FRMPD3: variants seen among roughly 807,000 people sequenced by gnomAD.
FRMPD3 encodes the protein FERM and PDZ domain-containing protein 3.
Under a neutral mutation model 97.9 loss-of-function variants are expected in FRMPD3, and 42 were observed. The ratio of observed to expected loss-of-function variants is 0.43; its 90% CI spans 0.34 to 0.55. The LOEUF is 0.55. Among genes scored for constraint, FRMPD3 ranks in the 20% least tolerant of loss-of-function variants. The pLI is 0.03. For synonymous variants in FRMPD3, 577 were observed against 581.1 expected, an observed-to-expected ratio of 0.99 and a Z score of 0.10; for missense variants, 1,303 against 1,457.7, an observed-to-expected ratio of 0.89 and a Z score of 1.73.
At position 107,597,592 on chromosome X, in the gene FRMPD3, A is replaced by T. The variant is rs751124424; in HGVS notation, c.1713A>T (p.Gln571His). The change falls in exon 14 of 15, where the codon CAA (glutamine) becomes CAT (histidine). Residue 571 changes from glutamine to histidine, a missense_variant. Gln to His is a conservative substitution (Grantham distance 24, BLOSUM62 0). This residue lies in a region of FRMPD3 where 535 missense variants were observed against 618.6 expected (regional missense o/e 0.86). Transcript: ENST00000683843. ...ACCCCACATCCAAAAGCTCTGGCCA[A>T]GGTTATGAGGTAGTCCCTGATGACT... ...KSDPTSKSSG[Q>H]GYEVVPDDFD... is the part of the protein sequence containing the mutation. 17 of 1,208,973 alleles carry T rather than the reference A, an allele frequency of 1.4e-5. No individual in the cohort carries two copies. Among genetic ancestry groups the T allele is most frequent in the Non-Finnish European group, 1.8e-5 (16 of 895,159 alleles).
intron 6 of FRMPD3, among the ~76,000 whole-genome samples, chrX:107,551,446 G>A (rs566857973): frequency 8.9e-6 from 1 of 111,999 alleles, no homozygotes; most frequent in African/African-American, 3.2e-5. Flanking sequence ...TGTCCATTGT[G>A]GACTCTGTCT....
intron 5 of FRMPD3, among the ~76,000 whole-genome samples, chrX:107,546,639 G>A (rs772455563): frequency 1.8e-5 from 2 of 112,355 alleles, no homozygotes; most frequent in African/African-American, 3.2e-5. Context: ...CAGAAAAGAA[G>A]TGTGTTAAGC....
chrX:107,497,278 A>G lies in FRMPD3; in HGVS notation c.-7-29304A>G, dbSNP rs138991621. Among the ~76,000 whole-genome samples, 94 of 113,418 alleles carry G rather than the reference A, an allele frequency of 8.3e-4. 1 individual carries two copies. Among genetic ancestry groups the G allele is most frequent in the African/African-American group, 2.5e-3 (79 of 31,319 alleles). On this transcript the variant is annotated intron_variant, in intron 1 of 14. Coordinates refer to ENST00000683843, the MANE Select transcript of FRMPD3 (RefSeq NM_001388459.1). ...AAAAATTCTAGTGGCACTTGGCAGT[A>G]TGCCACAAAGAGGCTGCTTCTTCCT...
At chrX:107,461,923 G>A (rs745697931) in intron 1 of FRMPD3, among the ~76,000 whole-genome samples, 33 of 106,892 alleles carry the variant, frequency 3.1e-4, no homozygotes, top group Non-Finnish European at 5.5e-4. Context: ...ACCCCACTTG[G>A]TGCTTACTCT....
At position 107,449,953 on chromosome X, in the gene FRMPD3, G is replaced by C. The variant is rs1931247500; in HGVS notation, c.-60G>C. On this transcript the variant is annotated 5_prime_UTR_variant, in exon 1 of 15. Transcript: ENST00000683843. ...GCCGCTGCCGCGCCGCTGAGGAGGC[G>C]GAGGAGGAGGAGGAGGAGGAGGAAG... is the stretch of plus-strand genomic sequence containing the variant. Among the ~76,000 whole-genome samples, 1 of 109,297 alleles carries C rather than the reference G, an allele frequency of 9.1e-6. No homozygotes were observed. Among genetic ancestry groups the C allele is most frequent in the South Asian group, 3.7e-4 (1 of 2,687 alleles). The allele number at this position is 109,297 out of a possible 115,157, so 94.9% of individuals were successfully genotyped here. A position where few individuals can be genotyped will look rare whatever the true frequency, so the allele number is the denominator to read the frequency against.
rs780560083 is a variant in FRMPD3, at chrX:107,550,142, C to G, written c.496C>G (p.Arg166Gly). ...GATCAAGTCATTCACATTTGATGGT[C>G]GGACCACTGTTAAGGTACATACAGT... is the stretch of plus-strand genomic sequence containing the variant. ...GQIKSFTFDG[R>G]TTVKDVMLTL... Residue 166 changes from arginine to glycine, a missense_variant, in exon 6 of 15, where the codon CGG becomes GGG. By Grantham distance (125) the Arg-to-Gly change is moderately radical. This residue lies in a region of FRMPD3 where 535 missense variants were observed against 618.6 expected (regional missense o/e 0.86). Transcript: ENST00000683843. The G allele has an allele frequency of 8.4e-7, 1 of 1,184,708 alleles. No individual in the cohort carries two copies. The highest frequency in any genetic ancestry group is 1.1e-6 in the Non-Finnish European group (1 of 874,455).
chrX:107,590,024 G>A (rs185311092), intron 13 of FRMPD3, among the ~76,000 whole-genome samples: 44 of 111,638 alleles, frequency 3.9e-4, no homozygotes, highest in South Asian at 7.4e-4. Context: ...GGGTGGTGGC[G>A]TGCGCCTGTA....
intron 1 of FRMPD3, among the ~76,000 whole-genome samples, chrX:107,454,699 C>A (rs1931346866): frequency 8.9e-6 from 1 of 111,981 alleles, no homozygotes; most frequent in African/African-American, 3.2e-5. Flanking sequence ...GAGGGTGATA[C>A]CTGATTGCCT....
At chrX:107,541,141 G>C (rs1253029188) in intron 4 of FRMPD3, among the ~76,000 whole-genome samples, 1 of 113,308 alleles carries the variant, frequency 8.8e-6, no homozygotes, top group Middle Eastern at 4.2e-3. Context: ...GCTGGCCCCT[G>C]AAGTGTATTA....
chrX:107,552,669 G>T (rs1921913926), intron 6 of FRMPD3, 126 bp from the exon 7 acceptor site: 2 of 745,972 alleles, frequency 2.7e-6, no homozygotes, highest in Admixed American at 7.3e-5. Context: ...AAAGGCCAGT[G>T]TTGCAGCCTT....
At chrX:107,509,657 G>A (rs1293654108) in intron 1 of FRMPD3, among the ~76,000 whole-genome samples, 1 of 110,951 alleles carries the variant, frequency 9.0e-6, no homozygotes, top group Admixed American at 9.6e-5. Context: ...TTCCTTTCCT[G>A]GAATGTCCTT....
intron 13 of FRMPD3, among the ~76,000 whole-genome samples, chrX:107,585,303 A>G (rs1040778479): frequency 2.7e-5 from 3 of 111,333 alleles, no homozygotes; most frequent in Non-Finnish European, 3.8e-5. Context: ...GTATCCTGAG[A>G]CTTTGCTGAA....
At position 107,544,122 on chromosome X, in the gene FRMPD3, A is replaced by T. The variant is rs564175721; in HGVS notation, c.298-1615A>T. On this transcript the variant is annotated intron_variant, in intron 4 of 14. Coordinates refer to ENST00000683843, the MANE Select transcript of FRMPD3 (RefSeq NM_001388459.1). Reference sequence around the variant, plus strand: ...TTATCCTAAGTGAAATAATAATAATAATTATTATAAGCCAGACACAGAAAG... The same window carrying T: ...TTATCCTAAGTGAAATAATAATAATTATTATTATAAGCCAGACACAGAAAG... 8.6e-4 allele frequency among the ~76,000 whole-genome samples: 96 copies of T among 111,308 alleles called. No individual in the cohort carries two copies. In the Middle Eastern group the frequency reaches 0.019, roughly 21 times the overall value.
intron 2 of FRMPD3, among the ~76,000 whole-genome samples, chrX:107,528,419 C>T (rs753514037): frequency 2.0e-4 from 22 of 110,652 alleles, no homozygotes; most frequent in Non-Finnish European, 3.2e-4. Flanking sequence ...TTCTGTTAGA[C>T]GGAAGAAAGG....
chrX:107,493,940 A>C (rs1921720329), intron 1 of FRMPD3, among the ~76,000 whole-genome samples: 1 of 111,623 alleles, frequency 9.0e-6, no homozygotes, highest in Non-Finnish European at 1.9e-5. Context: ...GCACAAGCTC[A>C]AGAAAGCTCT....
chrX:107,526,345 T>A (rs1485532098), intron 1 of FRMPD3, among the ~76,000 whole-genome samples: 1 of 111,738 alleles, frequency 8.9e-6, no homozygotes, highest in Admixed American at 9.5e-5. Context: ...GCTCATGACG[T>A]CAGTTTCTTC....
rs372050912 is a variant in FRMPD3, at chrX:107,597,455, G to A, written c.1576G>A (p.Val526Ile). ...GCCCCCACCTGCCGACTCTGAGCTT[G>A]TCAGCTTCTGCTACCTCCATATGCG... ...CTPPPADSEL[V>I]SFCYLHMREQ... Residue 526 changes from valine to isoleucine, a missense_variant, in exon 14 of 15, where the codon GTC becomes ATC. Val to Ile is a conservative substitution (Grantham distance 29). Around this residue, in one of 3 missense-constraint regions of FRMPD3, gnomAD observed 535 missense variants for 618.6 expected, o/e 0.86. Coordinates refer to ENST00000683843, the MANE Select transcript of FRMPD3 (RefSeq NM_001388459.1). The A allele has an allele frequency of 1.7e-6, 2 of 1,211,086 alleles. No homozygotes were observed. Among genetic ancestry groups the A allele is most frequent in the African/African-American group, 1.7e-5 (1 of 57,855 alleles).
intron 4 of FRMPD3, among the ~76,000 whole-genome samples, chrX:107,542,417 A>C (rs975425316): frequency 3.6e-5 from 4 of 111,157 alleles, no homozygotes; most frequent in Non-Finnish European, 3.8e-5. Flanking sequence ...AAATCATCAG[A>C]AGCTTGAAAA....
At chrX:107,469,036 G>C (rs888020291) in intron 1 of FRMPD3, among the ~76,000 whole-genome samples, 1 of 112,334 alleles carries the variant, frequency 8.9e-6, no homozygotes, top group African/African-American at 3.2e-5. Context: ...GTAGCTACAG[G>C]TAGAAGTTAT....
Sources: allele counts gnomAD v4.1 joint callset (sites outside exome capture counted in the v4.1 genomes callset), GRCh38; gene constraint gnomAD v4.1.1; regional missense constraint gnomAD v4.1.1; transcripts MANE v1.5; gene names NCBI Gene and HGNC (gene_info 2026-07-23, HGNC 2026-07-21).